The following UPRT variants were observed in gnomAD, a reference collection of about 807,000 sequenced individuals.
UPRT encodes uracil phosphoribosyltransferase homolog.
Under a neutral mutation model 22.6 loss-of-function variants are expected in UPRT, and 5 were observed. The observed-to-expected ratio is 0.22, with a 90% confidence interval of 0.12 to 0.47. The LOEUF is 0.47. Among genes scored for constraint, UPRT ranks in the 20% least tolerant of loss-of-function variants. The probability of loss-of-function intolerance (pLI) is 0.99; values close to 1 mark genes in which losing one functional copy is unlikely to be tolerated. For synonymous variants in UPRT, 77 were observed against 87.7 expected (o/e 0.88, Z 0.68); for missense variants, 181 against 239.9 (o/e 0.75, Z 1.62).
chrX:75,232,998 A>C (rs992895514), intron 4 of UPRT, among the ~76,000 whole-genome samples: 2 of 112,025 alleles, frequency 1.8e-5, no homozygotes, highest in Non-Finnish European at 3.8e-5. Context: ...GAGCTACGGG[A>C]GGACATTCAA....
At chrX:75,269,149 T>A, upstream of UPRT, among the ~76,000 whole-genome samples, 1 of 111,602 alleles carries the variant, frequency 9.0e-6, no homozygotes, top group Non-Finnish European at 1.9e-5. Flanking sequence ...TGAACTCCTA[T>A]TCACAATTGC....
intron 6 of UPRT, among the ~76,000 whole-genome samples, chrX:75,302,076 A>C (rs754234625): frequency 3.6e-5 from 4 of 111,436 alleles, no homozygotes; most frequent in African/African-American, 1.3e-4. Flanking sequence ...GTGTTTTCTC[A>C]TTTCCAAAAT....
At chrX:75,268,121 T>G (rs1328776580) in intron 4 of UPRT, among the ~76,000 whole-genome samples, 1 of 111,849 alleles carries the variant, frequency 8.9e-6, no homozygotes, top group East Asian at 2.8e-4. Context: ...CAGTGAAAAC[T>G]ATAAACACCT....
intron 4 of UPRT, among the ~76,000 whole-genome samples, chrX:75,262,113 G>A (rs2082570302): frequency 9.0e-6 from 1 of 111,704 alleles, no homozygotes; most frequent in Non-Finnish European, 1.9e-5. Flanking sequence ...AGCCAGAAGA[G>A]AGTGGGAGCC....
At chrX:75,156,369 A>C (rs2147595628), upstream of UPRT, 1 of 976,678 alleles carries the variant, frequency 1.0e-6, no homozygotes. Context: ...TTGTTTTCCC[A>C]GGGCCCCAGA....
chrX:75,245,355 A>T (rs187984443), intron 4 of UPRT, among the ~76,000 whole-genome samples: 8 of 111,509 alleles, frequency 7.2e-5, no homozygotes, highest in Non-Finnish European at 1.5e-4. Context: ...AATGTAAATT[A>T]GTTCAGCCAT....
At chrX:75,156,372 G>T (rs1026439609), upstream of UPRT, 35 of 956,280 alleles carry the variant, frequency 3.7e-5, no homozygotes, top group Admixed American at 3.2e-4. Flanking sequence ...TTTTCCCAGG[G>T]CCCCAGACCG....
intron 4 of UPRT, among the ~76,000 whole-genome samples, chrX:75,237,936 G>A (rs917319449): frequency 9.1e-6 from 1 of 109,435 alleles, no homozygotes; most frequent in Non-Finnish European, 1.9e-5. Flanking sequence ...TACCCTAAAA[G>A]TTAAAGTATA....
intron 2 of UPRT, among the ~76,000 whole-genome samples, chrX:75,295,139 C>A (rs1432311393): frequency 9.1e-6 from 1 of 109,997 alleles, no homozygotes; most frequent in African/African-American, 3.3e-5. Flanking sequence ...CAGCACATGT[C>A]ATTAATATAT....
chrX:75,257,791 G>T (rs1046592698), intron 4 of UPRT, among the ~76,000 whole-genome samples: 1 of 111,218 alleles, frequency 9.0e-6, no homozygotes, highest in African/African-American at 3.3e-5. Context: ...TGAGGGATTT[G>T]CTTGCAAGAT....
intron 1 of UPRT, among the ~76,000 whole-genome samples, chrX:75,156,897 T>TCA (rs1491422114): frequency 3.6e-4 from 15 of 41,928 alleles, no homozygotes; most frequent in Admixed American, 3.4e-3. Context: ...CGTGGGACAG[T>TCA]CTCACACACA....
At chrX:75,260,978 C>G (rs748439469) in intron 4 of UPRT, among the ~76,000 whole-genome samples, 1 of 112,115 alleles carries the variant, frequency 8.9e-6, no homozygotes, top group Non-Finnish European at 1.9e-5. Context: ...TACATGGAAA[C>G]TAAACAACTT....
chrX:75,167,375 G>A (rs182927580), intron 3 of UPRT, among the ~76,000 whole-genome samples: 3 of 111,434 alleles, frequency 2.7e-5, no homozygotes, highest in East Asian at 5.7e-4. Flanking sequence ...TCCCCACACC[G>A]GATCTCCTAA....
chrX:75,261,630 C>G (rs2082568207), intron 4 of UPRT, among the ~76,000 whole-genome samples: 2 of 111,842 alleles, frequency 1.8e-5, no homozygotes, highest in Admixed American at 1.9e-4. Flanking sequence ...TGAAACTATT[C>G]CAATCAATAG....
intron 4 of UPRT, among the ~76,000 whole-genome samples, chrX:75,248,911 T>A (rs1054022312): frequency 8.9e-6 from 1 of 111,875 alleles, no homozygotes; most frequent in African/African-American, 3.3e-5. Flanking sequence ...TATTCAACAT[T>A]CTTAAAGAAA....
intron 4 of UPRT, among the ~76,000 whole-genome samples, chrX:75,226,666 G>A (rs1260750560): frequency 9.1e-6 from 1 of 110,019 alleles, no homozygotes; most frequent in Non-Finnish European, 1.9e-5. Flanking sequence ...TTTTCAGTGG[G>A]GCCTATTCTG....
intron 4 of UPRT, among the ~76,000 whole-genome samples, chrX:75,196,125 T>G (rs199900601): frequency 8.9e-6 from 1 of 112,290 alleles, no homozygotes; most frequent in East Asian, 2.8e-4. Flanking sequence ...TTAACAATGT[T>G]AATACTTCCA....
chrX:75,264,883 C>T (rs1190135967), intron 4 of UPRT, among the ~76,000 whole-genome samples: 4 of 111,924 alleles, frequency 3.6e-5, no homozygotes, highest in African/African-American at 9.7e-5. Context: ...CTGGTGGTGA[C>T]AAAATCTCTC....
intron 4 of UPRT, among the ~76,000 whole-genome samples, chrX:75,254,457 G>T (rs2082542464): frequency 8.9e-6 from 1 of 112,225 alleles, no homozygotes; most frequent in African/African-American, 3.2e-5. Flanking sequence ...TAATGTCTTT[G>T]AATTAATCCA....
Sources: allele counts gnomAD v4.1 joint callset (sites outside exome capture counted in the v4.1 genomes callset), GRCh38; gene constraint gnomAD v4.1.1; transcripts MANE v1.5; gene names NCBI Gene and HGNC (gene_info 2026-07-23, HGNC 2026-07-21).